FBLN1: variants seen among roughly 807,000 people sequenced by gnomAD.
FBLN1 encodes the protein fibulin-1.
In FBLN1, 34 loss-of-function variants were observed where a neutral mutation model predicts 89.7. The ratio of observed to expected loss-of-function variants is 0.38; its 90% CI spans 0.29 to 0.50. The LOEUF is 0.50. Ranked by LOEUF, FBLN1 falls within the 20% of genes least tolerant of loss-of-function variation. The probability of loss-of-function intolerance (pLI) is 0.92; values close to 1 mark genes in which losing one functional copy is unlikely to be tolerated. For missense variants in FBLN1, 777 were observed against 988.1 expected (o/e 0.79, Z 2.86); for synonymous variants, 393 against 391.3 (o/e 1.00, Z -0.05).
At position 45,530,328 on chromosome 22, in the gene FBLN1, CAGATGTT is replaced by C. The variant is rs1834855006; in HGVS notation, c.485-929_485-923del. On this transcript the variant is annotated intron_variant, in intron 4 of 16. Transcript: ENST00000327858. The surrounding 1 kb of genome is among the most constrained non-coding windows in gnomAD (Gnocchi z 5.4). ...CAGTCTCTGGGCTTTTCTGCAGCTC[CAGATGTT>C]AGATGTTTTATCTCTCCGTCTTTTA... 6.6e-6 allele frequency among the ~76,000 whole-genome samples: 1 copy of C among 152,012 alleles called. No individual in the cohort carries two copies. Among genetic ancestry groups the C allele is most frequent in the African/African-American group, 2.4e-5 (1 of 41,390 alleles).
Position 45,583,665 on chromosome 22 carries a change from A to G in FBLN1, c.1972+6557A>G, listed in dbSNP as rs1210146618. 6.6e-6 allele frequency among the ~76,000 whole-genome samples: 1 copy of G among 152,198 alleles called. No homozygotes were observed. Among genetic ancestry groups the G allele is most frequent in the Non-Finnish European group, 1.5e-5 (1 of 68,036 alleles). On this transcript the variant is annotated intron_variant, in intron 16 of 16. Coordinates refer to ENST00000327858, the MANE Select transcript of FBLN1 (RefSeq NM_006486.3). The surrounding 1 kb of genome is among the most constrained non-coding windows in gnomAD (Gnocchi z 4.5). Reference sequence around the variant, plus strand: ...TGGGTTTTGGTGTGCCAGTCAGGTGAGACGCAGAGAAGACAGCACAATCAA... The same window carrying G: ...TGGGTTTTGGTGTGCCAGTCAGGTGGGACGCAGAGAAGACAGCACAATCAA...
intron 16 of FBLN1, among the ~76,000 whole-genome samples, chr22:45,584,183 A>G (rs2089065799): frequency 6.6e-6 from 1 of 152,218 alleles, no homozygotes; most frequent in Non-Finnish European, 1.5e-5. Context: ...GAGGCAACAT[A>G]GGATGAGAAG....
At chr22:45,520,846 T>G (rs1162282945) in intron 2 of FBLN1, among the ~76,000 whole-genome samples, 1 of 152,168 alleles carries the variant, frequency 6.6e-6, no homozygotes, top group Non-Finnish European at 1.5e-5. Context: ...AACTGAGTCT[T>G]GCTCTGTTGC....
chr22:45,537,062 T>C lies in FBLN1; in HGVS notation c.922+1725T>C, dbSNP rs2088492139. ...TCGGCCTCTGCTTGGCAGACGCCCC[T>C]GGGTCCTGCCTTTGAGGTCAGAGAG... On this transcript the variant is annotated intron_variant, in intron 8 of 16. Coordinates refer to ENST00000327858, the MANE Select transcript of FBLN1 (RefSeq NM_006486.3). This position sits in a 1 kb window ranked among gnomAD's most constrained non-coding sequence, Gnocchi z 5.7. Among the ~76,000 whole-genome samples the C allele has an allele frequency of 6.6e-6, 1 of 152,176 alleles. No homozygotes were observed. Among genetic ancestry groups the C allele is most frequent in the South Asian group, 2.1e-4 (1 of 4,832 alleles).
chr22:45,514,018 C>A (rs2088136922), intron 1 of FBLN1, among the ~76,000 whole-genome samples: 1 of 152,026 alleles, frequency 6.6e-6, no homozygotes, highest in Admixed American at 6.6e-5. Flanking sequence ...GTCTCGAACT[C>A]CTGACCTCAT....
At chr22:45,539,393 G>T (rs1366346989) in intron 8 of FBLN1, among the ~76,000 whole-genome samples, 1 of 151,772 alleles carries the variant, frequency 6.6e-6, no homozygotes, top group Non-Finnish European at 1.5e-5. Context: ...TAGAGATGGG[G>T]TTTTGCCGTG....
chr22:45,526,000 T>C (rs2088322967), intron 3 of FBLN1, among the ~76,000 whole-genome samples: 1 of 152,196 alleles, frequency 6.6e-6, no homozygotes, highest in South Asian at 2.1e-4. Context: ...CCTCCTGGGC[T>C]TCCAGAATCT....
chr22:45,546,331 T>C (rs550357295), intron 11 of FBLN1, among the ~76,000 whole-genome samples: 34 of 152,358 alleles, frequency 2.2e-4, no homozygotes, highest in Admixed American at 9.1e-4. Flanking sequence ...ATTCTCCTGC[T>C]TCAGCCTCCC....
intron 14 of FBLN1, chr22:45,564,922 G>T (rs564987976): frequency 1.1e-5 from 17 of 1,614,008 alleles, no homozygotes; most frequent in Non-Finnish European, 1.4e-5. Flanking sequence ...ACCCCAGCGG[G>T]ATCAAGTAAA....
chr22:45,510,110 T>C (rs1291213558), intron 1 of FBLN1, among the ~76,000 whole-genome samples: 2 of 152,070 alleles, frequency 1.3e-5, no homozygotes, highest in Non-Finnish European at 2.9e-5. Flanking sequence ...ATATCCTCAT[T>C]TGCCCGATGA....
intron 16 of FBLN1, among the ~76,000 whole-genome samples, chr22:45,591,607 C>G (rs955765686): frequency 6.6e-6 from 1 of 152,152 alleles, no homozygotes; most frequent in Non-Finnish European, 1.5e-5. Flanking sequence ...AGACACCTGT[C>G]CCCCTTGCTT....
chr22:45,545,945 C>A lies in FBLN1; in HGVS notation c.1322-1140C>A, dbSNP rs551304361. ...GGTGGATTACTTGAGGTCAGGAGTT[C>A]GAGACCAGTATGGCCAACATCGTGA... On this transcript the variant is annotated intron_variant, in intron 11 of 16. Coordinates refer to ENST00000327858, the MANE Select transcript of FBLN1 (RefSeq NM_006486.3). This position sits in a 1 kb window ranked among gnomAD's most constrained non-coding sequence, Gnocchi z 5.9. Among the ~76,000 whole-genome samples the A allele has an allele frequency of 4.3e-4, 66 of 152,116 alleles. 2 individuals carry two copies. The highest frequency in any genetic ancestry group is 1.5e-3 in the African/African-American group (61 of 41,502).
intron 14 of FBLN1, among the ~76,000 whole-genome samples, chr22:45,554,396 A>G (rs981355406): frequency 4.6e-5 from 7 of 152,206 alleles, no homozygotes; most frequent in African/African-American, 7.2e-5. Flanking sequence ...GGCCACCGCC[A>G]GCAGCACCCG....
intron 1 of FBLN1, among the ~76,000 whole-genome samples, chr22:45,513,714 C>G (rs2146944062): frequency 6.6e-6 from 1 of 152,332 alleles, no homozygotes; most frequent in East Asian, 1.9e-4. Flanking sequence ...AAATTTAACT[C>G]CTCTAGGGAC....
In FBLN1 at chr22:45,579,108, G is replaced by T. The variant is rs963431098; in HGVS notation, c.1972+2000G>T. ...TTCCTGGGGTGACCCAAGCCAAGAGGTTGGGCAGCTGCTGGGCCTAGAACC... is the reference window on the plus strand; with the variant it reads ...TTCCTGGGGTGACCCAAGCCAAGAGTTTGGGCAGCTGCTGGGCCTAGAACC... On this transcript the variant is annotated intron_variant, in intron 16 of 16. Transcript: ENST00000327858. The surrounding 1 kb of genome is among the most constrained non-coding windows in gnomAD (Gnocchi z 5.5). 6.6e-6 allele frequency among the ~76,000 whole-genome samples: 1 copy of T among 152,222 alleles called. No individual in the cohort carries two copies. The highest frequency in any genetic ancestry group is 1.5e-5 in the Non-Finnish European group (1 of 68,034).
At chr22:45,542,114 A>G (rs747930330) in intron 9 of FBLN1, 41 bp from the exon 10 acceptor site, 15 of 1,613,890 alleles carry the variant, frequency 9.3e-6, no homozygotes, top group Non-Finnish European at 1.2e-5. Context: ...AAAAAACCCA[A>G]ACTAAAGGTT....
chr22:45,509,825 T>A (rs1020992482), intron 1 of FBLN1, among the ~76,000 whole-genome samples: 7 of 152,032 alleles, frequency 4.6e-5, no homozygotes, highest in Non-Finnish European at 1.0e-4. Context: ...GGTTCCTTGG[T>A]TCTGGACACC....
Position 45,590,570 on chromosome 22 carries a change from A to G in FBLN1, c.1973-9737A>G, listed in dbSNP as rs2089127485. Among the ~76,000 whole-genome samples, 1 of 152,194 alleles carries G rather than the reference A, an allele frequency of 6.6e-6. No homozygotes were observed. Among genetic ancestry groups the G allele is most frequent in the African/African-American group, 2.4e-5 (1 of 41,460 alleles). ...TTGGATTTACCTCCTGGCTCTGAGC[A>G]CAGTGGGAAGAGGCATGGGAGGGGT... On this transcript the variant is annotated intron_variant, in intron 16 of 16. Transcript: ENST00000327858. The surrounding 1 kb of genome is among the most constrained non-coding windows in gnomAD (Gnocchi z 4.1).
intron 1 of FBLN1, among the ~76,000 whole-genome samples, chr22:45,510,026 G>C (rs750860771): frequency 9.9e-5 from 15 of 152,086 alleles, no homozygotes; most frequent in Non-Finnish European, 1.9e-4. Flanking sequence ...AGGAAATCAA[G>C]GAAATTGAGG....
Sources: allele counts gnomAD v4.1 joint callset (sites outside exome capture counted in the v4.1 genomes callset), GRCh38; gene constraint gnomAD v4.1.1; non-coding constraint Gnocchi (gnomAD v3.1); transcripts MANE v1.5; gene names NCBI Gene and HGNC (gene_info 2026-07-23, HGNC 2026-07-21).